Variants in ABCC12 observed in about 807,000 individuals in gnomAD.
The protein encoded by ABCC12 is ATP-binding cassette sub-family C member 12.
Under a neutral mutation model 151.1 loss-of-function variants are expected in ABCC12, and 142 were observed. The observed-to-expected ratio is 0.94, with a 90% CI of 0.82 to 1.08. The LOEUF (loss-of-function observed/expected upper bound fraction) is 1.08, where lower values mean the gene tolerates loss of function less well. Among genes scored for constraint, ABCC12 ranks in the 50% least tolerant of loss-of-function variants. The pLI, the probability that ABCC12 is intolerant of heterozygous loss-of-function variation, is 0.00. For synonymous variants in ABCC12, 645 were observed against 646.4 expected, an observed-to-expected ratio of 1.00 and a Z score of 0.03; for missense variants, 1,638 against 1,691.1, an observed-to-expected ratio of 0.97 and a Z score of 0.55.
intron 11 of ABCC12, among the ~76,000 whole-genome samples, chr16:48,125,295 A>C (rs1164908402): frequency 6.6e-6 from 1 of 152,184 alleles, no homozygotes; most frequent in African/African-American, 2.4e-5. Context: ...TGGGGAACTG[A>C]CTATAGCTTT....
At chr16:48,083,869 G>A in intron 30 of ABCC12, 40 bp downstream of exon 30, 2 of 1,612,894 alleles carry the variant, frequency 1.2e-6, no homozygotes, top group Admixed American at 1.7e-5. Flanking sequence ...TCAAACCACT[G>A]GACTTTCTGG....
At chr16:48,129,933 A>G (rs1204731201) in intron 10 of ABCC12, among the ~76,000 whole-genome samples, 1 of 152,196 alleles carries the variant, frequency 6.6e-6, no homozygotes, top group Non-Finnish European at 1.5e-5. Context: ...GTACCTTCCA[A>G]TCCAATCTTA....
intron 22 of ABCC12, 52 bp downstream of exon 22, chr16:48,104,090 C>T: frequency 6.5e-7 from 1 of 1,541,528 alleles, no homozygotes; most frequent in Non-Finnish European, 8.9e-7. Context: ...ACCTGATACC[C>T]AGTCAGTGTG....
At chr16:48,152,705 ACTT>A (rs1282646740) in intron 2 of ABCC12, among the ~76,000 whole-genome samples, 4 of 152,206 alleles carry the variant, frequency 2.6e-5, no homozygotes, top group Admixed American at 1.3e-4. Flanking sequence ...GACCCCAGTC[ACTT>A]CTTCTCAAGA....
intron 18 of ABCC12, 74 bp downstream of exon 18, chr16:48,111,362 C>T (rs1350789261): frequency 1.3e-6 from 2 of 1,523,824 alleles, no homozygotes; most frequent in Middle Eastern, 1.7e-4. Flanking sequence ...AGTGTCTACA[C>T]TGTCTGTATC....
At chr16:48,102,300 C>A (rs759135498) in intron 22 of ABCC12, among the ~76,000 whole-genome samples, 6 of 152,166 alleles carry the variant, frequency 3.9e-5, no homozygotes, top group Non-Finnish European at 7.3e-5. Flanking sequence ...TTGCATGGGG[C>A]GTACACCAAG....
At position 48,133,900 on chromosome 16, in the gene ABCC12, G is replaced by C. The variant is rs1597320949; in HGVS notation, c.980-65C>G. ...ATGTCGAACACTAGCATTATGAAAT[G>C]TATTAGCCCTACTTGGTCCTCTTCC... On this transcript the variant is annotated intron_variant, in intron 8 of 30. Transcript: ENST00000311303. The C allele has an allele frequency of 3.8e-6, 6 of 1,585,704 alleles. No homozygotes were observed. The South Asian group carries it at 5.7e-5, about 15-fold the overall frequency.
In ABCC12 at chr16:48,083,397, A is replaced by G; in HGVS notation, c.*318T>C. The G allele has an allele frequency of 3.5e-6, 1 of 289,208 alleles. No individual in the cohort carries two copies. The highest frequency in any genetic ancestry group is 6.3e-6 in the Non-Finnish European group (1 of 158,800). The allele number at this position is 289,208 out of a possible 1,614,324, so 17.9% of individuals were successfully genotyped here. A position where few individuals can be genotyped will look rare whatever the true frequency, so the allele number is the denominator to read the frequency against. On this transcript the variant is annotated 3_prime_UTR_variant, in exon 31 of 31. Coordinates refer to ENST00000311303, the MANE Select transcript of ABCC12 (RefSeq NM_001393797.1). ...CTGATTTCTAACTGAAAGTTACAAT[A>G]TTTTCAATCTCAGGCACTGGGGTGG...
chr16:48,121,545 A>G, intron 13 of ABCC12, 171 bp downstream of exon 13: 1 of 869,202 alleles, frequency 1.2e-6, no homozygotes, highest in Non-Finnish European at 1.7e-6. Context: ...GCCTCTCCTG[A>G]ACGCTTGGCT....
chr16:48,085,616 G>A lies in ABCC12; in HGVS notation c.3805C>T (p.Arg1269Ter), dbSNP rs989536317. The A allele has an allele frequency of 1.1e-5, 17 of 1,613,882 alleles. No homozygotes were observed. The highest frequency in any genetic ancestry group is 6.7e-5 in the East Asian group (3 of 44,890). ...VGERQLLCVA[R>*]ALLRNSKIIL... ...ACCTTTGAATTACGGAGAAGAGCTCGGGCCACACAAAGCAGCTGACGTTCC... is the reference window on the plus strand; with the variant it reads ...ACCTTTGAATTACGGAGAAGAGCTCAGGCCACACAAAGCAGCTGACGTTCC... Residue 1269 changes from arginine to a stop codon, truncating the protein, a stop_gained, in exon 29 of 31, where the codon CGA (arginine) becomes TGA (stop). Coordinates refer to ENST00000311303, the MANE Select transcript of ABCC12 (RefSeq NM_001393797.1). LOFTEE classifies it high-confidence loss of function.
At chr16:48,144,488 C>T (rs192841216) in intron 3 of ABCC12, among the ~76,000 whole-genome samples, 7 of 151,912 alleles carry the variant, frequency 4.6e-5, no homozygotes, top group South Asian at 4.2e-4. Context: ...CCTCCTCCTG[C>T]CCAGAATTGC....
chr16:48,115,573 T>G lies in ABCC12; in HGVS notation c.1831A>C (p.Ile611Leu). ...LNLSGGQRQR[I>L]SLARAVYSDR... ...GAGTAGACAGCGCGGGCCAGGCTAA[T>G]CCTCTGCCTCTGCCCCCCAGAGAGG... Residue 611 changes from isoleucine (I) to leucine (L), a missense_variant, in exon 15 of 31, where the codon ATT (isoleucine) becomes CTT (leucine). Transcript: ENST00000311303. 1 of 1,614,096 alleles carries G rather than the reference T, an allele frequency of 6.2e-7. No individual in the cohort carries two copies. The highest frequency in any genetic ancestry group is 8.5e-7 in the Non-Finnish European group (1 of 1,179,990).
intron 20 of ABCC12, 125 bp downstream of exon 20, chr16:48,107,197 T>G: frequency 1.1e-6 from 1 of 913,402 alleles, no homozygotes; most frequent in East Asian, 2.4e-5. Flanking sequence ...CTCCCACTTC[T>G]TGAAAAGGGC....
At chr16:48,152,582 C>T (rs1965131500) in intron 2 of ABCC12, among the ~76,000 whole-genome samples, 1 of 152,158 alleles carries the variant, frequency 6.6e-6, no homozygotes, top group South Asian at 2.1e-4. Context: ...GTTCTGAAAC[C>T]CAGCTGAAAT....
At chr16:48,091,287 T>C in intron 24 of ABCC12, 78 bp from the exon 25 acceptor site, 1 of 1,270,858 alleles carries the variant, frequency 7.9e-7, no homozygotes, top group Non-Finnish European at 1.2e-6. Flanking sequence ...CAGGAGGCAG[T>C]CCTAGTGAAT....
chr16:48,133,561 C>T, intron 9 of ABCC12, 126 bp downstream of exon 9: 1 of 1,085,294 alleles, frequency 9.2e-7, no homozygotes, highest in Non-Finnish European at 1.3e-6. Context: ...GTTGAAGTCA[C>T]ATCCTGTGGC....
chr16:48,108,636 A>T (rs1963582855), intron 18 of ABCC12, 107 bp from the exon 19 acceptor site: 2 of 774,546 alleles, frequency 2.6e-6, no homozygotes, highest in East Asian at 5.0e-5. Flanking sequence ...GGGGGCTGTG[A>T]TGCATCCTTC....
chr16:48,097,714 T>C (rs1963152032), intron 23 of ABCC12, among the ~76,000 whole-genome samples: 2 of 152,116 alleles, frequency 1.3e-5, no homozygotes, highest in East Asian at 3.9e-4. Context: ...GCTGCAGTCT[T>C]GATGTGACGG....
intron 2 of ABCC12, among the ~76,000 whole-genome samples, chr16:48,147,953 T>C (rs1212353079): frequency 9.8e-5 from 14 of 143,540 alleles, no homozygotes; most frequent in Admixed American, 9.4e-4. Context: ...TTGTTGTTAT[T>C]GTGGTTGTTG....
Sources: gnomAD v4.1 joint callset for allele counts (sites outside exome capture counted in the v4.1 genomes callset) on GRCh38, gnomAD v4.1.1 for gene constraint, MANE v1.5 for transcripts, NCBI Gene and HGNC (gene_info 2026-07-23, HGNC 2026-07-21) for gene names.